GDPD4: variants seen among roughly 807,000 people sequenced by gnomAD.
GDPD4 encodes glycerophosphodiester phosphodiesterase 6.
GDPD4 carries 60 observed loss-of-function variants against 67.8 expected under a neutral mutation model. The observed-to-expected ratio is 0.88, with a 90% confidence interval of 0.72 to 1.10. The LOEUF (loss-of-function observed/expected upper bound fraction) is 1.10. GDPD4 is among the 50% of genes least tolerant of loss of function. The pLI is 0.00. For synonymous variants in GDPD4, 212 were observed against 210.9 expected, an observed-to-expected ratio of 1.00 and a Z score of -0.04; for missense variants, 623 against 613.9, an observed-to-expected ratio of 1.01 and a Z score of -0.16.
chr11:77,255,459 G>T (rs1958985473), intron 11 of GDPD4, among the ~76,000 whole-genome samples: 1 of 152,060 alleles, frequency 6.6e-6, no homozygotes, highest in Non-Finnish European at 1.5e-5. Flanking sequence ...AGCTATTCAG[G>T]AGGCTGAAGG....
chr11:77,218,983 T>C (rs1000027371), intron 16 of GDPD4, among the ~76,000 whole-genome samples: 6 of 152,248 alleles, frequency 3.9e-5, no homozygotes, highest in African/African-American at 1.4e-4. Context: ...TCCACAATGG[T>C]TGAACTAGTT....
At chr11:77,256,026 C>T (rs563491474) in intron 11 of GDPD4, among the ~76,000 whole-genome samples, 5 of 152,208 alleles carry the variant, frequency 3.3e-5, no homozygotes, top group African/African-American at 1.2e-4. Context: ...ACATGAGAAA[C>T]AACTGTTGTC....
At chr11:77,233,446 GAAAA>G (rs34507126) in intron 13 of GDPD4, among the ~76,000 whole-genome samples, 4 of 100,404 alleles carry the variant, frequency 4.0e-5, no homozygotes, top group East Asian at 2.9e-4. Flanking sequence ...AAAACATATT[GAAAA>G]AAAAAAAAAA....
intron 13 of GDPD4, among the ~76,000 whole-genome samples, chr11:77,242,090 T>G (rs1016285858): frequency 0.07 from 21 of 298 alleles, no homozygotes; most frequent in Non-Finnish European, 0.12. Context: ...TTCAGTTAGA[T>G]AGAGGGAAAT....
chr11:77,276,307 TCA>T, intron 4 of GDPD4, 87 bp from the exon 5 acceptor site: 3 of 984,678 alleles, frequency 3.0e-6, no homozygotes, highest in South Asian at 2.6e-5. Context: ...CAAATTCCGT[TCA>T]CAGTCTAGCA....
chr11:77,269,452 C>T (rs1284647638), intron 8 of GDPD4, among the ~76,000 whole-genome samples: 2 of 152,128 alleles, frequency 1.3e-5, no homozygotes, highest in Admixed American at 6.5e-5. Flanking sequence ...CATCCTAAAA[C>T]ATCTGTATAT....
intron 1 of GDPD4, among the ~76,000 whole-genome samples, chr11:77,289,409 CAGAGAGAGAAAG>C (rs1234764364): frequency 1.4e-5 from 2 of 144,098 alleles, no homozygotes; most frequent in African/African-American, 5.2e-5. Flanking sequence ...CGGAAAGAGA[CAGAGAGAGAAAG>C]AGAGAGAGAA....
chr11:77,254,910 T>C (rs1406862812), intron 11 of GDPD4, among the ~76,000 whole-genome samples: 6 of 152,252 alleles, frequency 3.9e-5, no homozygotes, highest in Non-Finnish European at 5.9e-5. Context: ...TCTTTACTAA[T>C]TTCTTCACTA....
rs1341197942 is a variant in GDPD4, at chr11:77,245,388, A to G, written c.979T>C (p.Phe327Leu). 3 of 1,614,046 alleles carry G rather than the reference A, an allele frequency of 1.9e-6. No homozygotes were observed. The highest frequency in any genetic ancestry group is 3.3e-5 in the Admixed American group (2 of 60,014). ...GGGCGATGAAGATCAAATATCACAA[A>G]TTTTCTTTCCTTCTCTGCAAGTGTC... ...LLTLAEKERKFVIFDLHRPPP... is the reference protein window; with the variant it reads ...LLTLAEKERKLVIFDLHRPPP... The change falls in exon 12 of 17, where the codon TTT becomes CTT. Residue 327 changes from phenylalanine to leucine, a missense_variant. Phe to Leu is a conservative substitution (Grantham distance 22, BLOSUM62 0). Coordinates refer to ENST00000315938, the MANE Select transcript of GDPD4 (RefSeq NM_182833.3).
chr11:77,226,936 C>T (rs1252597232), intron 16 of GDPD4, among the ~76,000 whole-genome samples: 2 of 152,224 alleles, frequency 1.3e-5, no homozygotes, highest in Non-Finnish European at 2.9e-5. Flanking sequence ...ATCAGTTCCA[C>T]TCATCTGCCA....
intron 7 of GDPD4, 156 bp downstream of exon 7, chr11:77,270,974 G>A (rs2135873083): frequency 1.7e-6 from 1 of 602,532 alleles, no homozygotes; most frequent in Non-Finnish European, 2.9e-6. Flanking sequence ...ACAGGGTAGT[G>A]AGTGAAAGCA....
At chr11:77,227,982 C>G in intron 15 of GDPD4, 66 bp from the exon 16 acceptor site, 1 of 1,057,532 alleles carries the variant, frequency 9.5e-7, no homozygotes, top group South Asian at 1.3e-5. Flanking sequence ...TCTAACGTTC[C>G]TCCTCCAGGA....
rs1488663367 is a variant in GDPD4 at position 77,290,643 on chromosome 11, A to T, written c.-253-3223T>A. Among the ~76,000 whole-genome samples, 8 of 152,214 alleles carry T rather than the reference A, an allele frequency of 5.3e-5. No individual in the cohort carries two copies. In the South Asian group the frequency reaches 1.2e-3, roughly 24 times the overall value. On this transcript the variant is annotated intron_variant, in intron 1 of 16. Coordinates refer to ENST00000315938, the MANE Select transcript of GDPD4 (RefSeq NM_182833.3). ...TTGAGAGGGAAGCTTATACCAATAAACATTTACATCAAAAGTAGAAAGATT... is the reference window on the plus strand; with the variant it reads ...TTGAGAGGGAAGCTTATACCAATAATCATTTACATCAAAAGTAGAAAGATT...
intron 11 of GDPD4, among the ~76,000 whole-genome samples, chr11:77,250,148 G>C (rs1958861693): frequency 6.6e-6 from 1 of 151,976 alleles, no homozygotes; most frequent in South Asian, 2.1e-4. Context: ...TGTTACCTGG[G>C]TATATTGCAT....
intron 11 of GDPD4, among the ~76,000 whole-genome samples, chr11:77,255,387 T>G (rs1565525474): frequency 6.6e-6 from 1 of 151,872 alleles, no homozygotes; most frequent in Non-Finnish European, 1.5e-5. Context: ...GTCAACATGG[T>G]GAAACCCTCT....
intron 16 of GDPD4, among the ~76,000 whole-genome samples, chr11:77,225,188 C>G (rs1312167366): frequency 6.6e-6 from 1 of 151,760 alleles, no homozygotes; most frequent in Admixed American, 6.6e-5. Flanking sequence ...TTTTAAATGA[C>G]TACTCAGAAG....
At chr11:77,239,424 A>G (rs1958622691) in intron 13 of GDPD4, among the ~76,000 whole-genome samples, 1 of 152,230 alleles carries the variant, frequency 6.6e-6, no homozygotes, top group African/African-American at 2.4e-5. Flanking sequence ...GACCTTTTAT[A>G]TAGAAAATCC....
intron 11 of GDPD4, among the ~76,000 whole-genome samples, chr11:77,250,576 C>T (rs1565522122): frequency 6.6e-6 from 1 of 152,026 alleles, no homozygotes; most frequent in South Asian, 2.1e-4. Flanking sequence ...GTTTTGTGGC[C>T]TTACACATGG....
chr11:77,239,571 AAAT>A (rs1262774454), intron 13 of GDPD4, among the ~76,000 whole-genome samples: 1 of 152,220 alleles, frequency 6.6e-6, no homozygotes, highest in Non-Finnish European at 1.5e-5. Context: ...GAAAGTAAGA[AAAT>A]AATCCCATTT....
Sources: gnomAD v4.1 joint callset for allele counts (sites outside exome capture counted in the v4.1 genomes callset) on GRCh38, gnomAD v4.1.1 for gene constraint, MANE v1.5 for transcripts, NCBI Gene and HGNC (gene_info 2026-07-23, HGNC 2026-07-21) for gene names.